COL25A1: variants seen among roughly 807,000 people sequenced by gnomAD.
COL25A1 encodes the protein collagen alpha-1(XXV) chain.
COL25A1 carries 103 observed loss-of-function variants against 128.4 expected under a neutral mutation model. The observed-to-expected ratio is 0.80, with a 90% CI of 0.68 to 0.94. COL25A1 has a LOEUF of 0.94. Among genes scored for constraint, COL25A1 ranks in the 40% least tolerant of loss-of-function variants. The pLI, the probability that COL25A1 is intolerant of heterozygous loss-of-function variation, is 0.00. For synonymous variants in COL25A1, 279 were observed against 277.2 expected, an observed-to-expected ratio of 1.01 and a Z score of -0.06; for missense variants, 745 against 840.0, an observed-to-expected ratio of 0.89 and a Z score of 1.40.
At position 108,997,959 on chromosome 4, in the gene COL25A1, T is replaced by A. The variant is rs1329044901; in HGVS notation, c.438+12399A>T. On this transcript the variant is annotated intron_variant, in intron 6 of 37. Transcript: ENST00000399132. ...CTAAAAACTCTCAATAAACTAGGTA[T>A]TAATGGAATGTATCTCAAAATAATA... 3.3e-5 allele frequency among the ~76,000 whole-genome samples: 5 copies of A among 152,180 alleles called. No individual in the cohort carries two copies. In the East Asian group the frequency reaches 9.6e-4, roughly 29 times the overall value.
intron 3 of COL25A1, among the ~76,000 whole-genome samples, chr4:109,253,973 G>C (rs1780854640): frequency 6.6e-6 from 1 of 151,772 alleles, no homozygotes; most frequent in Non-Finnish European, 1.5e-5. Flanking sequence ...TGTAGTCCCA[G>C]CTACTCAGGA....
chr4:109,177,012 G>T (rs1370713178), intron 3 of COL25A1, among the ~76,000 whole-genome samples: 2 of 152,206 alleles, frequency 1.3e-5, no homozygotes, highest in Non-Finnish European at 2.9e-5. Context: ...CACCGAGTTT[G>T]TGGTAATTTG....
At chr4:109,212,367 C>T (rs1198827021) in intron 3 of COL25A1, among the ~76,000 whole-genome samples, 2 of 152,090 alleles carry the variant, frequency 1.3e-5, no homozygotes, top group African/African-American at 4.8e-5. Context: ...ACCAAACCAC[C>T]TACACATAGA....
At position 108,983,355 on chromosome 4, in the gene COL25A1, T is replaced by TA. The variant is rs1226162527; in HGVS notation, c.439-8797dup. 2.6e-5 allele frequency among the ~76,000 whole-genome samples: 4 copies of TA among 152,216 alleles called. No homozygotes were observed. In the East Asian group the frequency reaches 7.7e-4, roughly 29 times the overall value. On this transcript the variant is annotated intron_variant, in intron 6 of 37. Transcript: ENST00000399132. ...GGTGCAATCTACCCTAAAATGCTCT[T>TA]ACTGTCCTCAACACGATTCAAATGT...
chr4:108,825,100 T>A, intron 34 of COL25A1, 96 bp downstream of exon 34: 1 of 962,630 alleles, frequency 1.0e-6, no homozygotes, highest in Non-Finnish European at 1.7e-6. Flanking sequence ...CATACCTATA[T>A]GCACAGAAAA....
chr4:108,908,425 G>T (rs1434699278), intron 13 of COL25A1, among the ~76,000 whole-genome samples: 2 of 152,110 alleles, frequency 1.3e-5, no homozygotes. Flanking sequence ...GTAGTCTTTA[G>T]CTCCTACTTG....
At chr4:108,877,159 T>A (rs963037366) in intron 19 of COL25A1, among the ~76,000 whole-genome samples, 60 of 152,302 alleles carry the variant, frequency 3.9e-4, no homozygotes, top group Middle Eastern at 6.8e-3. Context: ...CAGGGCGCAT[T>A]CAGATACAGA....
intron 8 of COL25A1, among the ~76,000 whole-genome samples, chr4:108,946,203 A>G (rs1371411985): frequency 6.6e-6 from 1 of 152,206 alleles, no homozygotes; most frequent in Non-Finnish European, 1.5e-5. Flanking sequence ...ACCATCTAGA[A>G]GAAACAATGC....
At chr4:108,941,755 T>C (rs1748129474) in intron 8 of COL25A1, among the ~76,000 whole-genome samples, 1 of 152,168 alleles carries the variant, frequency 6.6e-6, no homozygotes, top group Admixed American at 6.5e-5. Flanking sequence ...ACCCCTGCAT[T>C]CTTCAGTCTG....
intron 8 of COL25A1, among the ~76,000 whole-genome samples, chr4:108,948,304 A>G (rs903841021): frequency 6.6e-6 from 1 of 152,198 alleles, no homozygotes; most frequent in African/African-American, 2.4e-5. Flanking sequence ...TAAACAGCTA[A>G]AGGAATTTTT....
Position 109,058,984 on chromosome 4 carries a change from C to T in COL25A1, c.368-8805G>A, listed in dbSNP as rs540523009. On this transcript the variant is annotated intron_variant, in intron 3 of 37. Transcript: ENST00000399132. ...GAGAGGGTAACGCAGAAGTCTGGAC[C>T]CAGTGAAATAAGCACGAAGGCACAG... Among the ~76,000 whole-genome samples the T allele has an allele frequency of 1.4e-4, 22 of 152,044 alleles. No homozygotes were observed. In the South Asian group the frequency reaches 4.6e-3, roughly 32 times the overall value.
chr4:109,131,707 A>G (rs1301955311), intron 3 of COL25A1, among the ~76,000 whole-genome samples: 2 of 152,216 alleles, frequency 1.3e-5, no homozygotes, highest in Non-Finnish European at 2.9e-5. Context: ...GTTCACAAAA[A>G]GGCAGGGCAG....
At chr4:109,247,274 C>T (rs1213188715) in intron 3 of COL25A1, among the ~76,000 whole-genome samples, 2 of 151,966 alleles carry the variant, frequency 1.3e-5, no homozygotes, top group East Asian at 3.9e-4. Context: ...GGCTTGAACC[C>T]AGGAGGGGGA....
intron 3 of COL25A1, among the ~76,000 whole-genome samples, chr4:109,162,899 T>A (rs1437407375): frequency 1.3e-5 from 2 of 152,264 alleles, no homozygotes; most frequent in Admixed American, 1.3e-4. Flanking sequence ...CCTAATTTTT[T>A]AAAAAGGGAG....
intron 10 of COL25A1, among the ~76,000 whole-genome samples, chr4:108,938,185 A>C (rs769805308): frequency 6.6e-6 from 1 of 152,172 alleles, no homozygotes; most frequent in African/African-American, 2.4e-5. Context: ...GACTGATGTT[A>C]AATTTTGGTC....
chr4:109,002,113 A>T (rs1010310745), intron 6 of COL25A1, among the ~76,000 whole-genome samples: 2 of 152,218 alleles, frequency 1.3e-5, no homozygotes, highest in Non-Finnish European at 2.9e-5. Context: ...GTTGGTAGGG[A>T]TGTCAATTAG....
intron 3 of COL25A1, among the ~76,000 whole-genome samples, chr4:109,066,019 GC>G (rs1479401856): frequency 6.6e-6 from 1 of 152,080 alleles, no homozygotes; most frequent in Non-Finnish European, 1.5e-5. Flanking sequence ...TTCTTTACAT[GC>G]CCCACCTGCC....
chr4:108,948,270 A>C (rs1050893940), intron 8 of COL25A1, among the ~76,000 whole-genome samples: 2 of 152,192 alleles, frequency 1.3e-5, no homozygotes, highest in African/African-American at 4.8e-5. Context: ...ATCTGTCTGA[A>C]TAGAAAAATC....
intron 3 of COL25A1, among the ~76,000 whole-genome samples, chr4:109,070,554 T>C (rs1201526380): frequency 1.3e-5 from 2 of 152,170 alleles, no homozygotes; most frequent in Non-Finnish European, 2.9e-5. Flanking sequence ...TTTTTTATTA[T>C]ACTTTAAGTT....
Sources: gnomAD v4.1 joint callset for allele counts (sites outside exome capture counted in the v4.1 genomes callset) on GRCh38, gnomAD v4.1.1 for gene constraint, MANE v1.5 for transcripts, NCBI Gene and HGNC (gene_info 2026-07-23, HGNC 2026-07-21) for gene names.